PLCXD1: variants seen among roughly 807,000 people sequenced by gnomAD.
PLCXD1 encodes PI-PLC X domain-containing protein 1.
Under a neutral mutation model 37.8 loss-of-function variants are expected in PLCXD1, and 45 were observed. The ratio of observed to expected loss-of-function variants is 1.19; its 90% CI spans 0.94 to 1.53. The LOEUF is 1.53. Among genes scored for constraint, PLCXD1 ranks in the 40% most tolerant of loss-of-function variants. The pLI is 0.00. For missense variants in PLCXD1, 539 were observed against 454.7 expected, an observed-to-expected ratio of 1.19 and a Z score of -1.69; for synonymous variants, 246 against 206.9, an observed-to-expected ratio of 1.19 and a Z score of -1.62.
chrX:295,097 G>A (rs2069761571), intron 6 of PLCXD1, among the ~76,000 whole-genome samples: 4 of 148,932 alleles, frequency 2.7e-5, no homozygotes, highest in African/African-American at 7.4e-5. Context: ...TTGAACCCGG[G>A]GGCGGAGGCT....
chrX:290,171 T>TAA (rs1406950668), intron 3 of PLCXD1, among the ~76,000 whole-genome samples: 4 of 151,784 alleles, frequency 2.6e-5, no homozygotes, highest in African/African-American at 9.7e-5. Context: ...CTCACGCCTG[T>TAA]AATCCCAGCA....
At chrX:290,299 G>A (rs1343185904) in intron 3 of PLCXD1, among the ~76,000 whole-genome samples, 1 of 152,076 alleles carries the variant, frequency 6.6e-6, no homozygotes. Flanking sequence ...GCGCGGTGGC[G>A]GGCGCCTGCA....
At chrX:288,707 T>C (rs1169426667) in intron 2 of PLCXD1, 26 bp from the exon 3 acceptor site, 3 of 1,612,530 alleles carry the variant, frequency 1.9e-6, no homozygotes, top group Non-Finnish European at 2.5e-6. Context: ...CGTGGTGACA[T>C]GTCCGCGTGT....
chrX:284,133 G>GT, intron 1 of PLCXD1, 34 bp from the exon 2 acceptor site: 1 of 1,594,008 alleles, frequency 6.3e-7, no homozygotes. Flanking sequence ...TGAAGTCACC[G>GT]TAAAAAACCT....
rs145863471 is a variant in PLCXD1, at chrX:299,336, C to A, written c.*1C>A. The A allele has an allele frequency of 1.2e-6, 2 of 1,604,708 alleles. No individual in the cohort carries two copies. The highest frequency in any genetic ancestry group is 2.7e-5 in the African/African-American group (2 of 74,720). On this transcript the variant is annotated 3_prime_UTR_variant, in exon 7 of 7. Transcript: ENST00000381657. ...CAATCAGAAGCTGCTGTGGTGCTGA[C>A]GGGACCCTTCTGAAGTTCGGGACGC...
Position 291,466 on chromosome X carries a change from G to A in PLCXD1, c.394-33G>A, listed in dbSNP as rs201193975. 78 of 1,610,800 alleles carry A rather than the reference G, an allele frequency of 4.8e-5. No individual in the cohort carries two copies. In the East Asian group the frequency reaches 7.6e-4, roughly 16 times the overall value. ...CCGCCTTCCCTGTGGTGTTGGAGTC[G>A]TGCAGGACTCAGCCCAGCACCCCCC... On this transcript the variant is annotated intron_variant, in intron 4 of 6. Coordinates refer to ENST00000381657, the MANE Select transcript of PLCXD1 (RefSeq NM_018390.4).
chrX:291,689 G>A (rs368847371), intron 5 of PLCXD1, 35 bp downstream of exon 5: 65 of 1,604,722 alleles, frequency 4.1e-5, no homozygotes, highest in Admixed American at 6.7e-5. Flanking sequence ...CGTCTCTCCC[G>A]GGGCAGGGGC....
upstream of PLCXD1, among the ~76,000 whole-genome samples, chrX:278,266 G>A (rs1383449842): frequency 3.9e-5 from 6 of 151,928 alleles, no homozygotes; most frequent in Non-Finnish European, 7.4e-5. Context: ...GGACTGTGAC[G>A]GGGGAAGGGA....
upstream of PLCXD1, among the ~76,000 whole-genome samples, chrX:278,852 T>TGCA (rs1204197111): frequency 6.6e-6 from 1 of 151,992 alleles, no homozygotes; most frequent in Non-Finnish European, 1.5e-5. Flanking sequence ...CTTGGTATTA[T>TGCA]GCATTTTAAG....
intron 2 of PLCXD1, among the ~76,000 whole-genome samples, chrX:285,066 G>A (rs1339047973): frequency 6.6e-6 from 1 of 151,766 alleles, no homozygotes; most frequent in East Asian, 2.0e-4. Context: ...ACATACATAG[G>A]TGCACATAGG....
At chrX:280,431 G>A (rs865811617), upstream of PLCXD1, among the ~76,000 whole-genome samples, 9 of 11,630 alleles carry the variant, frequency 7.7e-4, no homozygotes, top group Non-Finnish European at 1.6e-3. Context: ...GACGTGCAGG[G>A]GGAGGGGAGG....
rs1315978384 is a variant in PLCXD1, at chrX:299,348, G to T, written c.*13G>T. 1 of 1,585,440 alleles carries T rather than the reference G, an allele frequency of 6.3e-7. No individual in the cohort carries two copies. Among genetic ancestry groups the T allele is most frequent in the Non-Finnish European group, 8.7e-7 (1 of 1,154,056 alleles). On this transcript the variant is annotated 3_prime_UTR_variant, in exon 7 of 7. Transcript: ENST00000381657. ...GCTGTGGTGCTGACGGGACCCTTCTGAAGTTCGGGACGCGGCGGCTGCAGT... is the reference window on the plus strand; with the variant it reads ...GCTGTGGTGCTGACGGGACCCTTCTTAAGTTCGGGACGCGGCGGCTGCAGT...
chrX:293,557 C>T (rs1425575142), intron 6 of PLCXD1, among the ~76,000 whole-genome samples: 5 of 151,912 alleles, frequency 3.3e-5, no homozygotes, highest in Admixed American at 6.6e-5. Flanking sequence ...GTCGGGAGTT[C>T]GAGACCGGCC....
intron 6 of PLCXD1, among the ~76,000 whole-genome samples, chrX:296,567 C>T (rs1411312288): frequency 6.6e-6 from 1 of 152,182 alleles, no homozygotes; most frequent in East Asian, 1.9e-4. Context: ...ATATGGCTTG[C>T]AGGAGATTCC....
chrX:293,639 G>A (rs1331429591), intron 6 of PLCXD1, among the ~76,000 whole-genome samples: 1 of 152,180 alleles, frequency 6.6e-6, no homozygotes, highest in Non-Finnish European at 1.5e-5. Context: ...TACATTGGCG[G>A]GGGGAGGGAT....
intron 2 of PLCXD1, among the ~76,000 whole-genome samples, chrX:284,550 A>G (rs2069383027): frequency 1.3e-5 from 2 of 151,674 alleles, no homozygotes; most frequent in Admixed American, 1.3e-4. Context: ...ACACACAGGC[A>G]TGCACACATG....
Position 288,728 on chromosome X carries a change from C to T in PLCXD1, c.128-5C>T, listed in dbSNP as rs1309347626. ...GACATGTCCGCGTGTGTGCTTTGCTCTCAGGGAGCCACGACACGATGACGT... is the reference window on the plus strand; with the variant it reads ...GACATGTCCGCGTGTGTGCTTTGCTTTCAGGGAGCCACGACACGATGACGT... On this transcript the variant is annotated splice_region_variant and splice_polypyrimidine_tract_variant and intron_variant, in intron 2 of 6. Transcript: ENST00000381657. 1 of 1,613,740 alleles carries T rather than the reference C, an allele frequency of 6.2e-7. No individual in the cohort carries two copies. Among genetic ancestry groups the T allele is most frequent in the East Asian group, 2.2e-5 (1 of 44,892 alleles).
In PLCXD1 at chrX:294,235, C is replaced by T. The variant is rs747994356; in HGVS notation, c.733+1017C>T. Reference sequence around the variant, plus strand: ...CGGTGGCTCACGCCTGTAATCCCAGCACTTCGGGAGGCCGAGGCGGGCGGA... The same window carrying T: ...CGGTGGCTCACGCCTGTAATCCCAGTACTTCGGGAGGCCGAGGCGGGCGGA... On this transcript the variant is annotated intron_variant, in intron 6 of 6. Transcript: ENST00000381657. Among the ~76,000 whole-genome samples, 18 of 152,342 alleles carry T rather than the reference C, an allele frequency of 1.2e-4. 1 individual carries two copies. The South Asian group carries it at 2.7e-3, about 23-fold the overall frequency.
Position 300,012 on chromosome X carries a change from CA to C in PLCXD1, c.*678del, listed in dbSNP as rs2069952593. The C allele has an allele frequency of 6.7e-6, 1 of 149,012 alleles. No homozygotes were observed. 9.2% of individuals were successfully genotyped at this position (149,012 alleles called of 1,614,324 possible). A position where few individuals can be genotyped will look rare whatever the true frequency, so the allele number is the denominator to read the frequency against. On this transcript the variant is annotated 3_prime_UTR_variant, in exon 7 of 7. Coordinates refer to ENST00000381657, the MANE Select transcript of PLCXD1 (RefSeq NM_018390.4). Reference sequence around the variant, plus strand: ...AGGTTGCATTGAGCTGAGATCGTGCCACTGCACTCCAGCCTGGGCGACAGAG... The same window carrying C: ...AGGTTGCATTGAGCTGAGATCGTGCCCTGCACTCCAGCCTGGGCGACAGAG...
Sources: allele counts gnomAD v4.1 joint callset (sites outside exome capture counted in the v4.1 genomes callset), GRCh38; gene constraint gnomAD v4.1.1; transcripts MANE v1.5; gene names NCBI Gene and HGNC (gene_info 2026-07-23, HGNC 2026-07-21).